Variants in CAPS2 observed in about 807,000 individuals in gnomAD.
CAPS2 encodes calcyphosine 2, also known as calcyphosin-2.
Under a neutral mutation model 86.5 loss-of-function variants are expected in CAPS2, and 98 were observed. The observed-to-expected ratio is 1.13, with a 90% CI of 0.96 to 1.34. The LOEUF is 1.34. CAPS2 is among the 40% of genes most tolerant of loss of function. CAPS2 has a pLI of 0.00. For missense variants in CAPS2, 729 were observed against 686.8 expected (o/e 1.06, Z -0.69); for synonymous variants, 210 against 225.1 (o/e 0.93, Z 0.60).
At chr12:75,276,317 A>G (rs1425135759), downstream of CAPS2, 1 of 1,499,646 alleles carries the variant, frequency 6.7e-7, no homozygotes, top group Non-Finnish European at 8.9e-7. Context: ...TAATCTCATA[A>G]AAGCATGTTA....
chr12:75,357,097 G>T (rs1281302909), intron 1 of CAPS2, among the ~76,000 whole-genome samples: 1 of 152,178 alleles, frequency 6.6e-6, no homozygotes, highest in African/African-American at 2.4e-5. Flanking sequence ...GGCTGAGGTG[G>T]TAGTATAAGT....
intron 1 of CAPS2, among the ~76,000 whole-genome samples, chr12:75,374,856 C>T (rs1049387361): frequency 2.0e-5 from 3 of 152,132 alleles, no homozygotes; most frequent in African/African-American, 7.2e-5. Context: ...GCTATGAAAC[C>T]ACACATGGTA....
At chr12:75,277,495 T>C in exon 17 of CAPS2, 1 of 904,662 alleles carries the variant, frequency 1.1e-6, no homozygotes, top group Non-Finnish European at 1.3e-6. Context: ...AGCATATTGT[T>C]TTAATTTTAA....
At chr12:75,288,020 C>A (rs2035202022) in intron 14 of CAPS2, among the ~76,000 whole-genome samples, 1 of 152,182 alleles carries the variant, frequency 6.6e-6, no homozygotes, top group South Asian at 2.1e-4. Context: ...ATGGGTGGAA[C>A]CCCCACAAGC....
intron 1 of CAPS2, among the ~76,000 whole-genome samples, chr12:75,335,118 G>T (rs1328608698): frequency 1.3e-5 from 2 of 152,168 alleles, no homozygotes; most frequent in African/African-American, 4.8e-5. Context: ...CCTCTTGCGG[G>T]GAAGGTGGGG....
At chr12:75,277,198 A>G, downstream of CAPS2, 1 of 945,790 alleles carries the variant, frequency 1.1e-6, no homozygotes, top group Non-Finnish European at 1.2e-6. Flanking sequence ...TTACATTCCA[A>G]AAGTAGCTTC....
chr12:75,382,452 C>G (rs1003162917), intron 1 of CAPS2, among the ~76,000 whole-genome samples: 3 of 151,952 alleles, frequency 2.0e-5, no homozygotes, highest in South Asian at 2.1e-4. Flanking sequence ...CCAGCCTGGC[C>G]AACATGGTGA....
intron 1 of CAPS2, among the ~76,000 whole-genome samples, chr12:75,345,556 A>G: frequency 6.6e-6 from 1 of 152,154 alleles, no homozygotes; most frequent in Non-Finnish European, 1.5e-5. Context: ...GGTGCAGTGA[A>G]CAAATAATAG....
intron 14 of CAPS2, among the ~76,000 whole-genome samples, chr12:75,286,474 T>C (rs917540996): frequency 2.0e-5 from 3 of 151,782 alleles, no homozygotes; most frequent in African/African-American, 7.2e-5. Context: ...TAATTTAACA[T>C]AATTGTCAAC....
At chr12:75,378,403 G>A (rs559199348) in intron 1 of CAPS2, among the ~76,000 whole-genome samples, 2 of 152,308 alleles carry the variant, frequency 1.3e-5, no homozygotes, top group Non-Finnish European at 2.9e-5. Flanking sequence ...GGAGAGAAAG[G>A]GGGAGAGGGA....
At chr12:75,373,966 C>T (rs1347629029) in intron 1 of CAPS2, 1 of 152,236 alleles carries the variant, frequency 6.6e-6, no homozygotes, top group Non-Finnish European at 1.5e-5. Context: ...TTTCAGGTTG[C>T]ATGCTAACTT....
intron 7 of CAPS2, among the ~76,000 whole-genome samples, chr12:75,311,941 T>A (rs1213819252): frequency 6.6e-6 from 1 of 152,050 alleles, no homozygotes; most frequent in African/African-American, 2.4e-5. Context: ...CTAGGTATAA[T>A]TATTTCAAAG....
intron 16 of CAPS2, among the ~76,000 whole-genome samples, chr12:75,281,381 C>T (rs2033914339): frequency 6.6e-6 from 1 of 151,574 alleles, no homozygotes; most frequent in South Asian, 2.1e-4. Flanking sequence ...AAAAGAATGG[C>T]TAGGTAAATG....
At chr12:75,322,959 C>G in intron 4 of CAPS2, 1 of 1,316,324 alleles carries the variant, frequency 7.6e-7, no homozygotes, top group Non-Finnish European at 1.1e-6. Flanking sequence ...AATTGATAAG[C>G]AAATAAATAC....
intron 1 of CAPS2, among the ~76,000 whole-genome samples, chr12:75,361,199 CA>C (rs36088782): frequency 6.6e-6 from 1 of 150,470 alleles, no homozygotes; most frequent in African/African-American, 2.4e-5. Context: ...GTTGGTATGC[CA>C]AAAAAAATAA....
intron 1 of CAPS2, chr12:75,373,445 C>A (rs1218981112): frequency 6.6e-6 from 1 of 152,248 alleles, no homozygotes; most frequent in Non-Finnish European, 1.5e-5. Flanking sequence ...ATTTTCCAAT[C>A]ATGCTTCTTC....
At chr12:75,388,250 C>G (rs2045393101) in intron 1 of CAPS2, among the ~76,000 whole-genome samples, 1 of 152,208 alleles carries the variant, frequency 6.6e-6, no homozygotes, top group Non-Finnish European at 1.5e-5. Context: ...TCGTCTTCCA[C>G]TATGATTGCG....
intron 1 of CAPS2, among the ~76,000 whole-genome samples, chr12:75,376,650 C>T (rs1158621981): frequency 1.3e-5 from 2 of 152,174 alleles, no homozygotes; most frequent in Non-Finnish European, 2.9e-5. Context: ...TTTAGGAGCT[C>T]AGTGCCCCCA....
At chr12:75,370,041 A>C (rs1237553779) in intron 1 of CAPS2, 2 of 1,321,842 alleles carry the variant, frequency 1.5e-6, no homozygotes, top group Non-Finnish European at 2.2e-6. Context: ...GTTGAAAATC[A>C]ATTGAACTCT....
Sources: allele counts gnomAD v4.1 joint callset (sites outside exome capture counted in the v4.1 genomes callset), GRCh38; gene constraint gnomAD v4.1.1; transcripts MANE v1.5; gene names NCBI Gene and HGNC (gene_info 2026-07-23, HGNC 2026-07-21).